The following BDNF variants were observed in gnomAD, a reference collection of about 807,000 sequenced individuals.
BDNF encodes the protein neurotrophic factor BDNF precursor form.
BDNF carries 1 observed loss-of-function variant against 19.5 expected under a neutral mutation model. The observed-to-expected ratio is 0.05, with a 90% CI of 0.02 to 0.24. The LOEUF (loss-of-function observed/expected upper bound fraction) is 0.24. BDNF is among the 10% of genes least tolerant of loss of function. The pLI is 1.00. For synonymous variants in BDNF, 100 were observed against 121.6 expected (o/e 0.82, Z 1.17); for missense variants, 195 against 317.6 (o/e 0.61, Z 2.93).
chr11:27,679,741 A>C (rs1173649855), intron 1 of BDNF, among the ~76,000 whole-genome samples: 2 of 152,206 alleles, frequency 1.3e-5, no homozygotes, highest in Non-Finnish European at 2.9e-5. Flanking sequence ...TATGTGAACA[A>C]AGGGACAATG....
chr11:27,701,917 T>G, upstream of BDNF, among the ~76,000 whole-genome samples: 1 of 151,920 alleles, frequency 6.6e-6, no homozygotes, highest in South Asian at 2.1e-4. Flanking sequence ...AGAGTGGGGG[T>G]AGGTGATTCG....
rs1369923661 is a variant in BDNF at position 27,656,865 on chromosome 11, G to A, written c.*956C>T. The A allele has an allele frequency of 1.0e-6, 1 of 985,206 alleles. No homozygotes were observed. The highest frequency in any genetic ancestry group is 1.2e-6 in the Non-Finnish European group (1 of 829,886). 61.0% of individuals were successfully genotyped at this position (985,206 alleles called of 1,614,324 possible). On this transcript the variant is annotated 3_prime_UTR_variant, in exon 2 of 2. Coordinates refer to ENST00000356660, the MANE Select transcript of BDNF (RefSeq NM_001709.5). Reference sequence around the variant, plus strand: ...TACGAGTGTCATGATGTGACACAATGTGTTCACTTGTTCACAGCAGTGGTA... The same window carrying A: ...TACGAGTGTCATGATGTGACACAATATGTTCACTTGTTCACAGCAGTGGTA...
chr11:27,695,864 A>G (rs1858925653), intron 1 of BDNF, among the ~76,000 whole-genome samples: 2 of 151,996 alleles, frequency 1.3e-5, no homozygotes, highest in African/African-American at 4.8e-5. Flanking sequence ...TCAAGAGGAT[A>G]AGTGCCCTAG....
At chr11:27,664,439 G>C (rs1853982642) in intron 1 of BDNF, among the ~76,000 whole-genome samples, 2 of 152,168 alleles carry the variant, frequency 1.3e-5, no homozygotes, top group South Asian at 4.2e-4. Flanking sequence ...TTTATAAAGA[G>C]AAAGAAGTTA....
chr11:27,673,897 A>C (rs562800992), intron 1 of BDNF, among the ~76,000 whole-genome samples: 2 of 152,298 alleles, frequency 1.3e-5, no homozygotes, highest in East Asian at 3.9e-4. Context: ...TAGAGCATTA[A>C]ATTTAAAAAA....
chr11:27,676,409 T>C (rs1842422539), intron 1 of BDNF, among the ~76,000 whole-genome samples: 1 of 152,054 alleles, frequency 6.6e-6, no homozygotes, highest in Non-Finnish European at 1.5e-5. Flanking sequence ...GCAGTGGAAC[T>C]GAAGGGGATT....
intron 1 of BDNF, among the ~76,000 whole-genome samples, chr11:27,670,949 C>T (rs1164278020): frequency 3.3e-5 from 5 of 152,218 alleles, no homozygotes; most frequent in Admixed American, 6.5e-5. Context: ...TATAAAGACA[C>T]ATGCACACGT....
chr11:27,709,490 T>C (rs2134102437), intron 1 of BDNF, among the ~76,000 whole-genome samples: 1 of 152,368 alleles, frequency 6.6e-6, no homozygotes, highest in East Asian at 1.9e-4. Context: ...CTGTTTTTAA[T>C]TTTATTTTGA....
Position 27,656,545 on chromosome 11 carries a change from T to G in BDNF, c.*1276A>C. ...TCCACCTAGACCTTGGGATGGCCAC[T>G]CAGAAATTCCTCCCGCACTGCCGGT... On this transcript the variant is annotated 3_prime_UTR_variant, in exon 2 of 2. Coordinates refer to ENST00000356660, the MANE Select transcript of BDNF (RefSeq NM_001709.5). 1.0e-6 allele frequency: 1 copy of G among 985,822 alleles called. No homozygotes were observed. The highest frequency in any genetic ancestry group is 5.2e-4 in the Middle Eastern group (1 of 1,914). 61.1% of individuals were successfully genotyped at this position (985,822 alleles called of 1,614,324 possible). A position where few individuals can be genotyped will look rare whatever the true frequency, so the allele number is the denominator to read the frequency against.
rs75482125 is a variant in BDNF at position 27,659,669 on chromosome 11, G to A, written c.-21-1084C>T. The A allele has an allele frequency of 4.2e-4, 418 of 997,824 alleles. 2 individuals carry two copies. In the East Asian group the frequency reaches 4.6e-3, roughly 11 times the overall value. 61.8% of individuals were successfully genotyped at this position (997,824 alleles called of 1,614,324 possible). A position where few individuals can be genotyped will look rare whatever the true frequency, so the allele number is the denominator to read the frequency against. On this transcript the variant is annotated intron_variant, in intron 1 of 1. Coordinates refer to ENST00000356660, the MANE Select transcript of BDNF (RefSeq NM_001709.5). Reference sequence around the variant, plus strand: ...TGTGTGCGCGCGCGCGTGTGCGCGCGCTCTGAGTTTATCCTACTTTTAAAA... The same window carrying A: ...TGTGTGCGCGCGCGCGTGTGCGCGCACTCTGAGTTTATCCTACTTTTAAAA...
chr11:27,656,988 T>C lies in BDNF; in HGVS notation c.*833A>G. On this transcript the variant is annotated 3_prime_UTR_variant, in exon 2 of 2. Coordinates refer to ENST00000356660, the MANE Select transcript of BDNF (RefSeq NM_001709.5). ...GGAAAGAATGTGTTCTGAGCAAACA[T>C]AGGTCCTTCCGTCAAAAGCAGCTTA... 1.0e-6 allele frequency: 1 copy of C among 985,340 alleles called. No homozygotes were observed. The highest frequency in any genetic ancestry group is 1.2e-6 in the Non-Finnish European group (1 of 829,948). The allele number at this position is 985,340 out of a possible 1,614,324, so 61.0% of individuals were successfully genotyped here.
intron 1 of BDNF, among the ~76,000 whole-genome samples, chr11:27,676,647 G>A (rs145001922): frequency 1.3e-5 from 2 of 152,288 alleles, no homozygotes; most frequent in African/African-American, 2.4e-5. Context: ...ATAGTTCAAT[G>A]TTTATATTGT....
At position 27,670,279 on chromosome 11, in the gene BDNF, C is replaced by A. The variant is rs558464433; in HGVS notation, c.-21-11694G>T. ...TAATTCAAGATGAATTAAAGACTTA[C>A]ACGTTAGACCTAAAACCATAAAAAC... On this transcript the variant is annotated intron_variant, in intron 1 of 1. Transcript: ENST00000356660. 3.5e-4 allele frequency among the ~76,000 whole-genome samples: 53 copies of A among 152,196 alleles called. 1 individual carries two copies. In the South Asian group the frequency reaches 3.9e-3, roughly 11 times the overall value.
rs1425054363 is a variant in BDNF, at chr11:27,699,627, G to A, written c.-22+537C>T. The A allele has an allele frequency of 6.2e-6, 9 of 1,445,726 alleles. No homozygotes were observed. The South Asian group carries it at 7.3e-5, about 12-fold the overall frequency. 89.6% of individuals were successfully genotyped at this position (1,445,726 alleles called of 1,614,324 possible). ...AGCTACATTGGCTTCGGACTTGTAA[G>A]TCCACTTCAGTCTCAATTCCTGGGG... On this transcript the variant is annotated intron_variant, in intron 1 of 1. Transcript: ENST00000356660.
chr11:27,700,318 G>GA lies in BDNF; in HGVS notation c.-177dup. 6.1e-6 allele frequency: 6 copies of GA among 985,302 alleles called. No individual in the cohort carries two copies. The highest frequency in any genetic ancestry group is 7.2e-6 in the Non-Finnish European group (6 of 829,950). 61.0% of individuals were successfully genotyped at this position (985,302 alleles called of 1,614,324 possible). ...TGTCTCATTAAAGCCCCCCGAGCAG[G>GA]AGGTGGAGGGGCGCACCGGGCTGGC... On this transcript the variant is annotated 5_prime_UTR_variant, in exon 1 of 2. Transcript: ENST00000356660.
chr11:27,695,316 G>A (rs1320450682), intron 1 of BDNF, among the ~76,000 whole-genome samples: 1 of 152,126 alleles, frequency 6.6e-6, no homozygotes, highest in Non-Finnish European at 1.5e-5. Context: ...GTAATTAAAC[G>A]ACAGGTTGCC....
chr11:27,674,055 C>G (rs1855752419), intron 1 of BDNF: 2 of 1,596,612 alleles, frequency 1.3e-6, no homozygotes, highest in Middle Eastern at 1.7e-4. Context: ...CTCTCTGTTA[C>G]TCACCTTTAT....
intron 1 of BDNF, chr11:27,720,433 A>G (rs1860705124): frequency 2.0e-6 from 2 of 985,676 alleles, no homozygotes; most frequent in South Asian, 9.4e-5. Flanking sequence ...ACCAACCCGG[A>G]GCTTGCCAAG....
intron 1 of BDNF, chr11:27,675,856 A>C (rs570001937): frequency 6.6e-6 from 1 of 152,360 alleles, no homozygotes; most frequent in Admixed American, 6.5e-5. Flanking sequence ...CAGCCAAAGG[A>C]AGGAGGGTCA....
Sources: gnomAD v4.1 joint callset for allele counts (sites outside exome capture counted in the v4.1 genomes callset) on GRCh38, gnomAD v4.1.1 for gene constraint, MANE v1.5 for transcripts, NCBI Gene and HGNC (gene_info 2026-07-23, HGNC 2026-07-21) for gene names.